CHD6: variants seen among roughly 807,000 people sequenced by gnomAD.
CHD6 encodes ATP-dependent chromatin remodeler CHD6.
Under a neutral mutation model 276.9 loss-of-function variants are expected in CHD6, and 50 were observed. The ratio of observed to expected loss-of-function variants is 0.18; its 90% CI spans 0.14 to 0.23. The LOEUF (loss-of-function observed/expected upper bound fraction) is 0.23, where lower values mean the gene tolerates loss of function less well. Among genes scored for constraint, CHD6 ranks in the 10% least tolerant of loss-of-function variants. The probability of loss-of-function intolerance (pLI) is 1.00; values close to 1 mark genes in which losing one functional copy is unlikely to be tolerated. For missense variants in CHD6, 2,564 were observed against 3,365.8 expected (o/e 0.76, Z 5.89); for synonymous variants, 1,173 against 1,229.3 (o/e 0.95, Z 0.96).
At chr20:41,490,059 T>A (rs1168828522) in intron 11 of CHD6, 38 bp from the exon 12 acceptor site, 1 of 1,583,264 alleles carries the variant, frequency 6.3e-7, no homozygotes, top group East Asian at 2.2e-5. Flanking sequence ...TCATTATCAA[T>A]ATAGGAAACT....
rs1236248568 is a variant in CHD6, at chr20:41,544,736, T to A, written c.33+6569A>T. ...ATATTACACAGTAATATGATTACTA[T>A]ATAATCATATGTACTGTTATGATAC... On this transcript the variant is annotated intron_variant, in intron 2 of 36. Coordinates refer to ENST00000373233, the MANE Select transcript of CHD6 (RefSeq NM_032221.5). Among the ~76,000 whole-genome samples the A allele has an allele frequency of 2.7e-5, 4 of 150,602 alleles. No individual in the cohort carries two copies. In the Admixed American group the frequency reaches 2.7e-4, roughly 10 times the overall value.
At chr20:41,531,233 T>C (rs4812521) in intron 3 of CHD6, among the ~76,000 whole-genome samples, 69,131 of 151,924 alleles carry the variant, frequency 0.46, 17,108 homozygotes, top group African/African-American at 0.66. Flanking sequence ...ACCTATGGCT[T>C]TCTAATGTCT....
chr20:41,494,476 C>G (rs893160514), intron 8 of CHD6, among the ~76,000 whole-genome samples: 2 of 152,146 alleles, frequency 1.3e-5, no homozygotes, highest in East Asian at 3.9e-4. Flanking sequence ...TACAAAACAA[C>G]AAGAAGCAAC....
At chr20:41,616,987 A>G (rs546494501) in intron 1 of CHD6, among the ~76,000 whole-genome samples, 59 of 152,292 alleles carry the variant, frequency 3.9e-4, no homozygotes, top group African/African-American at 1.3e-3. Context: ...CGCCACAAAC[A>G]TATTTCCACA....
intron 1 of CHD6, among the ~76,000 whole-genome samples, chr20:41,615,594 G>C (rs1345164040): frequency 1.3e-5 from 2 of 152,186 alleles, no homozygotes; most frequent in African/African-American, 4.8e-5. Flanking sequence ...CGGGGAAAGG[G>C]GAAGGAGGGA....
At chr20:41,406,944 A>C (rs2046695334) in intron 36 of CHD6, among the ~76,000 whole-genome samples, 1 of 152,120 alleles carries the variant, frequency 6.6e-6, no homozygotes, top group Non-Finnish European at 1.5e-5. Context: ...GCATCTTCTT[A>C]CGGTTCTTGC....
chr20:41,424,162 G>A (rs2047286911), intron 29 of CHD6, among the ~76,000 whole-genome samples: 1 of 152,232 alleles, frequency 6.6e-6, no homozygotes, highest in East Asian at 1.9e-4. Flanking sequence ...TATCTTACTG[G>A]TGTCCCGAAG....
chr20:41,420,429 A>ACT, intron 31 of CHD6, 79 bp downstream of exon 31: 1 of 1,445,254 alleles, frequency 6.9e-7, no homozygotes, highest in Non-Finnish European at 9.3e-7. Flanking sequence ...AATATGAAGC[A>ACT]CTCTCTCCCC....
intron 14 of CHD6, chr20:41,485,983 T>C (rs181299545): frequency 8.3e-4 from 127 of 152,302 alleles, no homozygotes; most frequent in African/African-American, 2.9e-3. Context: ...TAAATTGTTA[T>C]ATATAAATAT....
chr20:41,447,643 GAACT>G (rs1445256427), intron 24 of CHD6, among the ~76,000 whole-genome samples: 3 of 152,058 alleles, frequency 2.0e-5, no homozygotes, highest in Non-Finnish European at 4.4e-5. Context: ...GAAATAAAAT[GAACT>G]AACTCACCAA....
chr20:41,548,355 A>G (rs1026933333), intron 2 of CHD6, among the ~76,000 whole-genome samples: 2 of 152,232 alleles, frequency 1.3e-5, no homozygotes, highest in African/African-American at 2.4e-5. Flanking sequence ...GCTACATAAC[A>G]GCTGGCTAAC....
In CHD6 at chr20:41,483,299, C is replaced by T; in HGVS notation, c.2468+10G>A. 1 of 1,601,032 alleles carries T rather than the reference C, an allele frequency of 6.2e-7. No homozygotes were observed. Among genetic ancestry groups the T allele is most frequent in the South Asian group, 1.1e-5 (1 of 88,646 alleles). On this transcript the variant is annotated intron_variant, in intron 16 of 36. Transcript: ENST00000373233. ...CATTGTTGAATGCAGAGCTTTGACACAAGTCTCACCTTCTCTGGATGAGGT... is the reference window on the plus strand; with the variant it reads ...CATTGTTGAATGCAGAGCTTTGACATAAGTCTCACCTTCTCTGGATGAGGT...
intron 1 of CHD6, chr20:41,564,116 G>A: frequency 1.3e-6 from 1 of 775,700 alleles, no homozygotes; most frequent in Non-Finnish European, 2.4e-6. Flanking sequence ...TTACAGAACT[G>A]GTACAAAAGC....
At position 41,484,449 on chromosome 20, in the gene CHD6, G is replaced by A. The variant is rs989603311; in HGVS notation, c.2160C>T (p.Ser720=). 5 of 1,613,780 alleles carry A rather than the reference G, an allele frequency of 3.1e-6. No homozygotes were observed. The Admixed American group carries it at 6.7e-5, about 22-fold the overall frequency. Residue 720 remains serine (S), a synonymous_variant, in exon 15 of 37, where the codon TCC becomes TCT. Transcript: ENST00000373233. ...GCTGATTTGCCCCCTTGGTCAGGAAGGAAAAGTTCTTCTCGAGGATGGCAC... is the reference window on the plus strand; with the variant it reads ...GCTGATTTGCCCCCTTGGTCAGGAAAGAAAAGTTCTTCTCGAGGATGGCAC... ...YYRAILEKNF[S]FLTKGANQHN... is the part of the protein sequence containing the mutation.
At position 41,426,406 on chromosome 20, in the gene CHD6, G is replaced by A. The variant is rs115582574; in HGVS notation, c.4069-253C>T. ...GGAATGCTTCTGCCTGTAGAGAATC[G>A]GCTTGAGCAATGATGAACTGGCACG... is the stretch of plus-strand genomic sequence containing the variant. On this transcript the variant is annotated intron_variant, in intron 27 of 36. Transcript: ENST00000373233. Among the ~76,000 whole-genome samples the A allele has an allele frequency of 4.1e-3, 626 of 152,094 alleles. 5 individuals carry two copies. The highest frequency in any genetic ancestry group is 0.015 in the African/African-American group (607 of 41,460).
Position 41,455,925 on chromosome 20 carries a change from C to T in CHD6, c.2884G>A (p.Gly962Arg). Residue 962 changes from glycine (G) to arginine (R), a missense_variant, in exon 19 of 37, where the codon GGA becomes AGA. Gly to Arg is a moderately radical substitution (Grantham distance 125, BLOSUM62 -2). Coordinates refer to ENST00000373233, the MANE Select transcript of CHD6 (RefSeq NM_032221.5). ...VEDLLRKGAY[G>R]ALMDEEDEGS... is the part of the protein sequence containing the mutation. Reference sequence around the variant, plus strand: ...TCATCTTCTTCATCCATTAAGGCTCCATAAGCACCTTTCCGGAGTAGGTCC... The same window carrying T: ...TCATCTTCTTCATCCATTAAGGCTCTATAAGCACCTTTCCGGAGTAGGTCC... 1.2e-6 allele frequency: 2 copies of T among 1,609,068 alleles called. No individual in the cohort carries two copies. The highest frequency in any genetic ancestry group is 1.7e-6 in the Non-Finnish European group (2 of 1,178,116).
chr20:41,475,504 G>C (rs543789866), intron 16 of CHD6, among the ~76,000 whole-genome samples: 2 of 152,284 alleles, frequency 1.3e-5, no homozygotes, highest in South Asian at 2.1e-4. Context: ...ACAGGAGATG[G>C]AAACAGAAAC....
rs367779459 is a variant in CHD6 at position 41,493,524 on chromosome 20, C to T, written c.1314+14G>A. ...TGTTCCGAGAAGTGCCAGAGAGAGA[C>T]AAAACTACTTTACCACATGCTTAAT... On this transcript the variant is annotated intron_variant, in intron 10 of 36. Coordinates refer to ENST00000373233, the MANE Select transcript of CHD6 (RefSeq NM_032221.5). The T allele has an allele frequency of 6.2e-7, 1 of 1,612,506 alleles. No homozygotes were observed. Among genetic ancestry groups the T allele is most frequent in the Non-Finnish European group, 8.5e-7 (1 of 1,179,108 alleles).
At chr20:41,478,229 C>T (rs1011238843) in intron 16 of CHD6, among the ~76,000 whole-genome samples, 1 of 152,170 alleles carries the variant, frequency 6.6e-6, no homozygotes, top group South Asian at 2.1e-4. Flanking sequence ...AGTGCCCCCC[C>T]ATCTGATGGC....
Sources: allele counts gnomAD v4.1 joint callset (sites outside exome capture counted in the v4.1 genomes callset), GRCh38; gene constraint gnomAD v4.1.1; transcripts MANE v1.5; gene names NCBI Gene and HGNC (gene_info 2026-07-23, HGNC 2026-07-21).